Variants in RBM6 observed in about 807,000 individuals in gnomAD.
RBM6 encodes RNA-binding protein 6.
RBM6 carries 23 observed loss-of-function variants against 140.4 expected under a neutral mutation model. The ratio of observed to expected loss-of-function variants is 0.16; its 90% CI spans 0.12 to 0.23. The LOEUF is 0.23. RBM6 is among the 10% of genes least tolerant of loss of function. The probability of loss-of-function intolerance (pLI) is 1.00; values close to 1 mark genes in which losing one functional copy is unlikely to be tolerated. For missense variants in RBM6, 1,139 were observed against 1,386.7 expected (o/e 0.82, Z 2.84); for synonymous variants, 439 against 475.6 (o/e 0.92, Z 1.00).
At chr3:50,058,084 T>C (rs1345066227) in intron 9 of RBM6, 81 bp downstream of exon 9, 4 of 1,498,740 alleles carry the variant, frequency 2.7e-6, no homozygotes, top group African/African-American at 1.4e-5. Context: ...CCGGGAGCTA[T>C]CTGCTTTCCA....
intron 5 of RBM6, among the ~76,000 whole-genome samples, chr3:49,981,390 C>T (rs1559549402): frequency 6.6e-6 from 1 of 152,190 alleles, no homozygotes; most frequent in African/African-American, 2.4e-5. Context: ...ATCAGAAACT[C>T]TGGGGTGGGG....
chr3:49,996,853 A>G (rs937812861), intron 5 of RBM6, among the ~76,000 whole-genome samples: 2 of 152,194 alleles, frequency 1.3e-5, no homozygotes, highest in Admixed American at 1.3e-4. Context: ...GTGAGAGGCT[A>G]GAGTGTAGTG....
chr3:49,994,669 G>GGGGTGTGTGTGTGT lies in RBM6; in HGVS notation c.1484-4770_1484-4769insGGTGTGTGTGTGTG, dbSNP rs148704782. Among the ~76,000 whole-genome samples, 614 of 148,252 alleles carry GGGGTGTGTGTGTGT rather than the reference G, an allele frequency of 4.1e-3. 1 individual carries two copies. Among genetic ancestry groups the GGGGTGTGTGTGTGT allele is most frequent in the Non-Finnish European group, 5.9e-3 (393 of 67,134 alleles). ...TTTTGTTTGGAGAAAAAGGCTGTGG[G>GGGGTGTGTGTGTGT]GTGTGTGTGTGTGTGTGTGTGTGTG... On this transcript the variant is annotated intron_variant, in intron 5 of 20. Coordinates refer to ENST00000266022, the MANE Select transcript of RBM6 (RefSeq NM_005777.3).
At chr3:50,059,818 C>A in intron 11 of RBM6, 72 bp downstream of exon 11, 1 of 1,205,544 alleles carries the variant, frequency 8.3e-7, no homozygotes, top group South Asian at 1.4e-5. Flanking sequence ...CTTTTCCTGG[C>A]TGGAAAAACA....
intron 20 of RBM6, among the ~76,000 whole-genome samples, chr3:50,076,021 T>G (rs953729170): frequency 6.6e-6 from 1 of 151,666 alleles, no homozygotes. Context: ...CAGGCTGGAA[T>G]GCAGTGGTGC....
intron 7 of RBM6, among the ~76,000 whole-genome samples, chr3:50,049,560 A>G (rs1397893499): frequency 6.6e-6 from 1 of 152,144 alleles, no homozygotes; most frequent in Admixed American, 6.6e-5. Context: ...ACTTGAAAAA[A>G]TTTAGTAAAG....
At chr3:50,055,168 T>C (rs536390129) in intron 8 of RBM6, among the ~76,000 whole-genome samples, 1 of 152,296 alleles carries the variant, frequency 6.6e-6, no homozygotes, top group Admixed American at 6.5e-5. Flanking sequence ...TGGCTAACGC[T>C]TGTAATCCCA....
intron 17 of RBM6, among the ~76,000 whole-genome samples, chr3:50,067,874 T>C (rs2090170305): frequency 6.6e-6 from 1 of 152,202 alleles, no homozygotes; most frequent in African/African-American, 2.4e-5. Flanking sequence ...CTTTTGGTAA[T>C]AGGTACACTA....
intron 1 of RBM6, among the ~76,000 whole-genome samples, chr3:49,956,087 G>T (rs1406986333): frequency 6.6e-6 from 1 of 150,534 alleles, no homozygotes; most frequent in African/African-American, 2.4e-5. Flanking sequence ...AAATAGTGCA[G>T]TGCCACAATC....
intron 6 of RBM6, among the ~76,000 whole-genome samples, chr3:50,039,737 A>G (rs200970173): frequency 6.6e-6 from 1 of 152,206 alleles, no homozygotes; most frequent in East Asian, 1.9e-4. Context: ...GTAAGAAGCA[A>G]TCTACGGAGA....
chr3:49,950,751 TCAAAA>T (rs993229981), intron 1 of RBM6, among the ~76,000 whole-genome samples: 2 of 147,666 alleles, frequency 1.4e-5, no homozygotes, highest in Non-Finnish European at 3.0e-5. Flanking sequence ...GGAGACTGTT[TCAAAA>T]AAAAAAAACA....
chr3:49,980,281 A>G (rs1033761976), intron 5 of RBM6, among the ~76,000 whole-genome samples: 4 of 152,014 alleles, frequency 2.6e-5, no homozygotes, highest in Non-Finnish European at 5.9e-5. Context: ...CTGGAATTAC[A>G]GACGTGAGCC....
At chr3:50,034,235 C>T (rs2088370502) in intron 6 of RBM6, among the ~76,000 whole-genome samples, 1 of 151,806 alleles carries the variant, frequency 6.6e-6, no homozygotes, top group Non-Finnish European at 1.5e-5. Flanking sequence ...CCCCCCACCT[C>T]GGCATCCCGA....
chr3:50,044,394 C>T (rs1349436117), intron 6 of RBM6, among the ~76,000 whole-genome samples: 2 of 151,796 alleles, frequency 1.3e-5, no homozygotes, highest in African/African-American at 2.4e-5. Context: ...GAGGCTGAGG[C>T]GGGTGGATCA....
At chr3:49,977,811 T>A (rs1262603371) in intron 5 of RBM6, among the ~76,000 whole-genome samples, 1 of 152,198 alleles carries the variant, frequency 6.6e-6, no homozygotes, top group Non-Finnish European at 1.5e-5. Flanking sequence ...CTATAGTGTT[T>A]ACTGTTAAAA....
chr3:50,069,401 A>T (rs1431339762), intron 18 of RBM6, among the ~76,000 whole-genome samples: 1 of 151,754 alleles, frequency 6.6e-6, no homozygotes, highest in African/African-American at 2.4e-5. Context: ...AGTCCCAGCT[A>T]CTTGAGAGGC....
chr3:50,024,459 G>A (rs1293873581), intron 6 of RBM6, among the ~76,000 whole-genome samples: 1 of 151,838 alleles, frequency 6.6e-6, no homozygotes, highest in Non-Finnish European at 1.5e-5. Flanking sequence ...TAGTCACTGA[G>A]TTCTAATACC....
At chr3:50,055,226 A>G (rs2089654296) in intron 8 of RBM6, among the ~76,000 whole-genome samples, 1 of 152,208 alleles carries the variant, frequency 6.6e-6, no homozygotes. Flanking sequence ...TCAGGAGTTC[A>G]AGACCAGCCT....
intron 14 of RBM6, 148 bp downstream of exon 14, chr3:50,061,695 T>G: frequency 6.9e-7 from 1 of 1,447,686 alleles, no homozygotes; most frequent in Non-Finnish European, 9.1e-7. Flanking sequence ...AGTTTAGATC[T>G]ATGGAAACAG....
Sources: allele counts gnomAD v4.1 joint callset (sites outside exome capture counted in the v4.1 genomes callset), GRCh38; gene constraint gnomAD v4.1.1; transcripts MANE v1.5; gene names NCBI Gene and HGNC (gene_info 2026-07-23, HGNC 2026-07-21).